The following TBCD variants were observed in gnomAD, a reference collection of about 807,000 sequenced individuals.
The protein encoded by TBCD is tubulin folding cofactor D.
TBCD carries 105 observed loss-of-function variants against 169.3 expected under a neutral mutation model. That is an observed-to-expected ratio of 0.62 (90% CI 0.53 to 0.73). The LOEUF (loss-of-function observed/expected upper bound fraction) is 0.73. TBCD is among the 30% of genes least tolerant of loss of function. The pLI is 0.00. For synonymous variants in TBCD, 700 were observed against 643.9 expected, an observed-to-expected ratio of 1.09 and a Z score of -1.32; for missense variants, 1,444 against 1,600.1, an observed-to-expected ratio of 0.90 and a Z score of 1.66.
At chr17:82,891,459 C>G (rs1412056727) in intron 16 of TBCD, among the ~76,000 whole-genome samples, 3 of 152,234 alleles carry the variant, frequency 2.0e-5, no homozygotes, top group Non-Finnish European at 4.4e-5. Flanking sequence ...TTTGAAGAGA[C>G]ACAGACTTTG....
In TBCD at chr17:82,884,784, T is replaced by C. The variant is rs2058612099; in HGVS notation, c.1533+582T>C. The C allele has an allele frequency of 1.2e-5, 2 of 163,136 alleles. No homozygotes were observed. Among genetic ancestry groups the C allele is most frequent in the Admixed American group, 5.7e-5 (1 of 17,410 alleles). The allele number at this position is 163,136 out of a possible 1,614,324, so 10.1% of individuals were successfully genotyped here. ...GGAGCTGTAGCAACTGCTGCTGCGCTGAGCAGACTACTTCATTTGGCTCAG... is the reference window on the plus strand; with the variant it reads ...GGAGCTGTAGCAACTGCTGCTGCGCCGAGCAGACTACTTCATTTGGCTCAG... On this transcript the variant is annotated intron_variant, in intron 15 of 38. Transcript: ENST00000355528. This position sits in a 1 kb window ranked among gnomAD's most constrained non-coding sequence, Gnocchi z 4.2.
rs764719967 is a variant in TBCD at position 82,814,790 on chromosome 17, A to C, written c.1224-50A>C. 1.9e-6 allele frequency: 3 copies of C among 1,594,362 alleles called. No homozygotes were observed. In the African/African-American group the frequency reaches 4.0e-5, roughly 21 times the overall value. On this transcript the variant is annotated intron_variant, in intron 12 of 38. Coordinates refer to ENST00000355528, the MANE Select transcript of TBCD (RefSeq NM_005993.5). ...CTCCTTGCCATGCTGTGGGCTTTGA[A>C]CCAAAAGCTGACACGTGGGCTGTGG... is the stretch of plus-strand genomic sequence containing the variant.
chr17:82,858,683 T>A (rs2056512399), intron 13 of TBCD: 1 of 983,170 alleles, frequency 1.0e-6, no homozygotes, highest in Non-Finnish European at 1.2e-6. Flanking sequence ...GTTCCTGTGT[T>A]TTCCTTGTAC....
In TBCD at chr17:82,944,851, A is replaced by G. The variant is rs1012547669; in HGVS notation, c.*2388A>G. The G allele has an allele frequency of 1.3e-5, 2 of 152,200 alleles. No individual in the cohort carries two copies. The highest frequency in any genetic ancestry group is 4.8e-5 in the African/African-American group (2 of 41,454). 9.4% of individuals were successfully genotyped at this position (152,200 alleles called of 1,614,324 possible). A position where few individuals can be genotyped will look rare whatever the true frequency, so the allele number is the denominator to read the frequency against. Reference sequence around the variant, plus strand: ...ATGAGAGAATTTAAGGCCCAGGGCCAGATCTAATGGACCACTATATAAAGC... The same window carrying G: ...ATGAGAGAATTTAAGGCCCAGGGCCGGATCTAATGGACCACTATATAAAGC... On this transcript the variant is annotated 3_prime_UTR_variant, in exon 39 of 39. Coordinates refer to ENST00000355528, the MANE Select transcript of TBCD (RefSeq NM_005993.5).
In TBCD at chr17:82,909,285, C is replaced by T. The variant is rs1284143195; in HGVS notation, c.1984C>T (p.Leu662Phe). 2 of 1,517,976 alleles carry T rather than the reference C, an allele frequency of 1.3e-6. No individual in the cohort carries two copies. Among genetic ancestry groups the T allele is most frequent in the East Asian group, 2.5e-5 (1 of 40,592 alleles). The allele number at this position is 1,517,976 out of a possible 1,614,324, so 94.0% of individuals were successfully genotyped here. ...VQGLKQIHQQ[L>F]YDRQLYRGLG... ...ATAACTTTCAGTTTTTTATTTTCAG[C>T]TCTATGATCGTCAGTTATACAGGTG... The change falls in exon 22 of 39, where the codon CTC becomes TTC. Residue 662 changes from leucine (L) to phenylalanine (F), a missense_variant and splice_region_variant. Leu to Phe is a conservative substitution (Grantham distance 22, BLOSUM62 0). Coordinates refer to ENST00000355528, the MANE Select transcript of TBCD (RefSeq NM_005993.5).
intron 6 of TBCD, among the ~76,000 whole-genome samples, chr17:82,773,542 C>T (rs756943124): frequency 1.3e-5 from 2 of 152,030 alleles, no homozygotes; most frequent in African/African-American, 4.8e-5. Flanking sequence ...GTGTGATGGC[C>T]CCTGTCTCCC....
intron 13 of TBCD, among the ~76,000 whole-genome samples, chr17:82,836,341 T>G (rs570520104): frequency 6.6e-6 from 1 of 152,358 alleles, no homozygotes; most frequent in African/African-American, 2.4e-5. Flanking sequence ...GTATAGGATG[T>G]GTTACGGCAG....
chr17:82,843,380 ATCATT>A lies in TBCD; in HGVS notation c.1319-26843_1319-26839del, dbSNP rs1567873723. 1.1e-4 allele frequency among the ~76,000 whole-genome samples: 12 copies of A among 106,856 alleles called. 1 individual carries two copies. The highest frequency in any genetic ancestry group is 4.2e-4 in the African/African-American group (11 of 25,886). 70.1% of individuals were successfully genotyped at this position (106,856 alleles called of 152,430 possible). On this transcript the variant is annotated intron_variant, in intron 13 of 38. Coordinates refer to ENST00000355528, the MANE Select transcript of TBCD (RefSeq NM_005993.5). ...CTTCCCCTCGCCGTCCAGCTTACTT[ATCATT>A]CCCTTCCCCTCCCCGTCCAGCTTAT...
chr17:82,755,596 G>A (rs1370632177), intron 1 of TBCD, among the ~76,000 whole-genome samples: 1 of 152,182 alleles, frequency 6.6e-6, no homozygotes, highest in Non-Finnish European at 1.5e-5. Flanking sequence ...CCAACGAGAG[G>A]AGGGTATAAT....
Position 82,923,528 on chromosome 17 carries a change from C to T in TBCD, c.2179-124C>T. On this transcript the variant is annotated intron_variant, in intron 25 of 38. Transcript: ENST00000355528. The surrounding 1 kb of genome is among the most constrained non-coding windows in gnomAD (Gnocchi z 4.6). ...CTGGTCAGGCAGGGGCTGCTCTGAC[C>T]TCAGGGTGACCACGGTGTCCCTGGT... The T allele has an allele frequency of 3.8e-6, 3 of 798,878 alleles. No homozygotes were observed. The highest frequency in any genetic ancestry group is 6.1e-6 in the Non-Finnish European group (3 of 492,368). 49.5% of individuals were successfully genotyped at this position (798,878 alleles called of 1,614,324 possible).
intron 13 of TBCD, among the ~76,000 whole-genome samples, chr17:82,850,372 C>CCTGTTGTTGGCTGTG (rs1303302174): frequency 2.3e-3 from 181 of 80,362 alleles, no homozygotes; most frequent in Middle Eastern, 0.015. Flanking sequence ...TGTTGGCTGT[C>CCTGTTGTTGGCTGTG]CTGTTGTTGG....
intron 34 of TBCD, among the ~76,000 whole-genome samples, chr17:82,933,663 G>A (rs1756032388): frequency 1.3e-5 from 2 of 152,078 alleles, no homozygotes; most frequent in Non-Finnish European, 1.5e-5. Flanking sequence ...TGTTGCCCAG[G>A]GTGTAGTGCA....
chr17:82,858,559 A>C, intron 13 of TBCD: 1 of 985,394 alleles, frequency 1.0e-6, no homozygotes, highest in Non-Finnish European at 1.2e-6. Context: ...TTGTGAAAGT[A>C]GCTGGCTGGG....
intron 13 of TBCD, chr17:82,838,890 A>G (rs1168534366): frequency 6.1e-6 from 6 of 985,348 alleles, no homozygotes; most frequent in Non-Finnish European, 7.2e-6. Flanking sequence ...AACTCCGGTC[A>G]GAAATGCTGG....
Position 82,832,530 on chromosome 17 carries a change from C to G in TBCD, c.1318+17596C>G. ...CGACGCCGCGTGCACTTCGTGGTTTCTAAAGAGGCACCTCCCGCTTTGCTT... is the reference window on the plus strand; with the variant it reads ...CGACGCCGCGTGCACTTCGTGGTTTGTAAAGAGGCACCTCCCGCTTTGCTT... On this transcript the variant is annotated intron_variant, in intron 13 of 38. Coordinates refer to ENST00000355528, the MANE Select transcript of TBCD (RefSeq NM_005993.5). The surrounding 1 kb of genome is among the most constrained non-coding windows in gnomAD (Gnocchi z 4.9). 7.6e-7 allele frequency: 1 copy of G among 1,320,992 alleles called. No individual in the cohort carries two copies. Among genetic ancestry groups the G allele is most frequent in the Non-Finnish European group, 1.1e-6 (1 of 929,512 alleles). The allele number at this position is 1,320,992 out of a possible 1,614,324, so 81.8% of individuals were successfully genotyped here.
chr17:82,847,220 G>A lies in TBCD; in HGVS notation c.1319-23004G>A, dbSNP rs1481274015. 2.6e-5 allele frequency among the ~76,000 whole-genome samples: 4 copies of A among 152,096 alleles called. No homozygotes were observed. The East Asian group carries it at 7.7e-4, about 29-fold the overall frequency. ...CACAAAAAATTAGCTGGGCGTGGTGGTGGGTGCCTGTAATCCCAACTACTC... is the reference window on the plus strand; with the variant it reads ...CACAAAAAATTAGCTGGGCGTGGTGATGGGTGCCTGTAATCCCAACTACTC... On this transcript the variant is annotated intron_variant, in intron 13 of 38. Coordinates refer to ENST00000355528, the MANE Select transcript of TBCD (RefSeq NM_005993.5).
chr17:82,901,253 G>C (rs1433178264), intron 18 of TBCD, among the ~76,000 whole-genome samples: 1 of 152,254 alleles, frequency 6.6e-6, no homozygotes, highest in Non-Finnish European at 1.5e-5. Context: ...CAGCGCGTTA[G>C]TGCTGTGACC....
At chr17:82,823,352 C>T (rs376020259) in intron 13 of TBCD, among the ~76,000 whole-genome samples, 1 of 152,332 alleles carries the variant, frequency 6.6e-6, no homozygotes, top group Admixed American at 6.5e-5. Flanking sequence ...TCCAGTTCCC[C>T]GCCTGTTTTT....
At chr17:82,776,615 GTGTT>G (rs979328570) in intron 6 of TBCD, among the ~76,000 whole-genome samples, 39 of 152,288 alleles carry the variant, frequency 2.6e-4, no homozygotes, top group African/African-American at 8.4e-4. Flanking sequence ...GTGTTCTGCT[GTGTT>G]TCGATACTGC....
Sources: allele counts gnomAD v4.1 joint callset (sites outside exome capture counted in the v4.1 genomes callset), GRCh38; gene constraint gnomAD v4.1.1; non-coding constraint Gnocchi (gnomAD v3.1); transcripts MANE v1.5; gene names NCBI Gene and HGNC (gene_info 2026-07-23, HGNC 2026-07-21).